The following ACOXL variants were observed in gnomAD, a reference collection of about 807,000 sequenced individuals.
The protein encoded by ACOXL is acyl-CoA oxidase like.
Under a neutral mutation model 71.9 loss-of-function variants are expected in ACOXL, and 70 were observed. The ratio of observed to expected loss-of-function variants is 0.97; its 90% CI spans 0.80 to 1.19. ACOXL has a LOEUF of 1.19. ACOXL is among the 50% of genes most tolerant of loss of function. ACOXL has a pLI of 0.00. For synonymous variants in ACOXL, 253 were observed against 281.6 expected (o/e 0.90, Z 1.02); for missense variants, 703 against 736.3 (o/e 0.95, Z 0.52).
chr2:111,077,569 T>C (rs1232343388), intron 16 of ACOXL, among the ~76,000 whole-genome samples: 1 of 152,228 alleles, frequency 6.6e-6, no homozygotes, highest in Non-Finnish European at 1.5e-5. Flanking sequence ...CTTCCTTCAT[T>C]TTGCTTCTGC....
chr2:110,797,718 C>T (rs1462366497), intron 5 of ACOXL, among the ~76,000 whole-genome samples: 3 of 152,158 alleles, frequency 2.0e-5, no homozygotes, highest in African/African-American at 4.8e-5. Context: ...CTCACAGATG[C>T]GGACCCTGGG....
chr2:110,956,788 A>T (rs1225656580), intron 12 of ACOXL, among the ~76,000 whole-genome samples: 2 of 152,218 alleles, frequency 1.3e-5, no homozygotes, highest in Non-Finnish European at 2.9e-5. Context: ...ATAGTGAAAA[A>T]TTCAGTGATG....
intron 12 of ACOXL, among the ~76,000 whole-genome samples, chr2:110,967,580 T>C (rs1324702692): frequency 2.0e-5 from 3 of 152,226 alleles, no homozygotes; most frequent in Admixed American, 6.5e-5. Context: ...TGATGAGATA[T>C]ATTACAAATT....
At chr2:111,016,361 A>G (rs1313307639) in intron 14 of ACOXL, among the ~76,000 whole-genome samples, 1 of 152,148 alleles carries the variant, frequency 6.6e-6, no homozygotes, top group Non-Finnish European at 1.5e-5. Flanking sequence ...TTCCATGGGC[A>G]TATGTGCATG....
chr2:111,084,711 C>T lies in ACOXL; in HGVS notation c.1441-8154C>T, dbSNP rs183521456. Among the ~76,000 whole-genome samples, 484 of 152,178 alleles carry T rather than the reference C, an allele frequency of 3.2e-3. 2 individuals are homozygous for T. The highest frequency in any genetic ancestry group is 5.7e-3 in the Non-Finnish European group (389 of 68,000). On this transcript the variant is annotated intron_variant, in intron 16 of 17. Transcript: ENST00000439055. ...CAACACAATGACAGGATCAAATCCACACATATCAATACTAACCTTAAATGT... is the reference window on the plus strand; with the variant it reads ...CAACACAATGACAGGATCAAATCCATACATATCAATACTAACCTTAAATGT...
chr2:111,084,261 A>ACG, intron 16 of ACOXL, among the ~76,000 whole-genome samples: 1 of 4,912 alleles, frequency 2.0e-4, no homozygotes, highest in East Asian at 1.4e-3. Context: ...TAAGGAATAC[A>ACG]CACACACACA....
chr2:111,087,811 C>T (rs184962664), intron 16 of ACOXL, among the ~76,000 whole-genome samples: 3 of 152,274 alleles, frequency 2.0e-5, no homozygotes, highest in African/African-American at 7.2e-5. Flanking sequence ...TCTAATTAAA[C>T]TAAAGAGCTT....
At chr2:111,049,165 G>A in intron 15 of ACOXL, 53 bp from the exon 16 acceptor site, 1 of 1,366,176 alleles carries the variant, frequency 7.3e-7, no homozygotes, top group East Asian at 2.3e-5. Context: ...CACATCAGAA[G>A]GGCTCTGAGG....
chr2:110,761,185 T>C (rs969793486), intron 1 of ACOXL, among the ~76,000 whole-genome samples: 1 of 152,230 alleles, frequency 6.6e-6, no homozygotes, highest in African/African-American at 2.4e-5. Flanking sequence ...GATTTATTAG[T>C]TACTACTTTT....
At chr2:110,799,207 GA>G in intron 7 of ACOXL, 107 bp downstream of exon 7, 2 of 1,091,226 alleles carry the variant, frequency 1.8e-6, no homozygotes. Context: ...TGAGGGTGGA[GA>G]AAACTTCCCC....
intron 14 of ACOXL, among the ~76,000 whole-genome samples, chr2:111,017,559 A>G (rs983712509): frequency 1.3e-5 from 2 of 152,220 alleles, no homozygotes. Context: ...GGTGACATGC[A>G]TGATTAGGAC....
At chr2:111,046,396 TA>T (rs2066016878) in intron 15 of ACOXL, among the ~76,000 whole-genome samples, 2 of 152,178 alleles carry the variant, frequency 1.3e-5, no homozygotes, top group Non-Finnish European at 2.9e-5. Context: ...GGTGGTATAT[TA>T]GTTCTTTCTC....
intron 7 of ACOXL, among the ~76,000 whole-genome samples, chr2:110,800,483 G>A (rs1685837706): frequency 6.6e-6 from 1 of 151,970 alleles, no homozygotes; most frequent in African/African-American, 2.4e-5. Context: ...ACATACACAG[G>A]TATAAGGATT....
chr2:110,962,306 C>A (rs6752698), intron 12 of ACOXL, among the ~76,000 whole-genome samples: 73,890 of 152,128 alleles, frequency 0.49, 18,703 homozygotes, highest in East Asian at 0.88. Flanking sequence ...TCGGAACCTG[C>A]TTTCATGTGG....
At chr2:110,811,401 G>T (rs111919559) in intron 9 of ACOXL, among the ~76,000 whole-genome samples, 2 of 152,176 alleles carry the variant, frequency 1.3e-5, no homozygotes, top group Admixed American at 6.5e-5. Context: ...CTCTGCCTCC[G>T]CAGACAGTGT....
intron 14 of ACOXL, among the ~76,000 whole-genome samples, chr2:111,026,796 A>C (rs2065033000): frequency 6.6e-6 from 1 of 152,180 alleles, no homozygotes; most frequent in Non-Finnish European, 1.5e-5. Context: ...GTGCAGTGAG[A>C]AGAGATCATT....
intron 9 of ACOXL, among the ~76,000 whole-genome samples, chr2:110,839,182 C>T (rs1040128220): frequency 5.9e-5 from 9 of 151,950 alleles, no homozygotes; most frequent in Non-Finnish European, 1.2e-4. Flanking sequence ...CTCCCTACTC[C>T]AGCAAGGGCT....
chr2:110,742,604 G>A (rs969727591), intron 1 of ACOXL, among the ~76,000 whole-genome samples: 1 of 152,190 alleles, frequency 6.6e-6, no homozygotes, highest in African/African-American at 2.4e-5. Flanking sequence ...AACATGGGCC[G>A]TGAAAAGTGA....
At chr2:111,028,653 T>C (rs1220366567) in intron 14 of ACOXL, among the ~76,000 whole-genome samples, 1 of 152,170 alleles carries the variant, frequency 6.6e-6, no homozygotes, top group Non-Finnish European at 1.5e-5. Context: ...CAGGAAAGTA[T>C]TTTTTTAATT....
Sources: gnomAD v4.1 joint callset for allele counts (sites outside exome capture counted in the v4.1 genomes callset) on GRCh38, gnomAD v4.1.1 for gene constraint, MANE v1.5 for transcripts, NCBI Gene and HGNC (gene_info 2026-07-23, HGNC 2026-07-21) for gene names.